The following IQGAP2 variants were observed in gnomAD, a reference collection of about 807,000 sequenced individuals.
IQGAP2 encodes the protein IQ motif containing GTPase activating protein 2.
IQGAP2 carries 173 observed loss-of-function variants against 201.3 expected under a neutral mutation model. The observed-to-expected ratio is 0.86, with a 90% CI of 0.76 to 0.98. The LOEUF (loss-of-function observed/expected upper bound fraction) is 0.98, where lower values mean the gene tolerates loss of function less well. Ranked by LOEUF, IQGAP2 falls within the 50% of genes least tolerant of loss-of-function variation. The pLI is 0.00. For synonymous variants in IQGAP2, 675 were observed against 673.9 expected (o/e 1.00, Z -0.03); for missense variants, 1,687 against 1,864.8 (o/e 0.90, Z 1.76).
chr5:76,434,761 G>C lies in IQGAP2; in HGVS notation c.47-26809G>C, dbSNP rs930354582. ...GGATTGAATGGTAGATCTACTTTTA[G>C]TTCTTTAAGAAATCTTCATAGTGTT... On this transcript the variant is annotated intron_variant, in intron 1 of 35. Transcript: ENST00000274364. Among the ~76,000 whole-genome samples, 40 of 152,068 alleles carry C rather than the reference G, an allele frequency of 2.6e-4. 1 individual carries two copies.
At chr5:76,425,502 A>G (rs1751944851) in intron 1 of IQGAP2, among the ~76,000 whole-genome samples, 1 of 152,208 alleles carries the variant, frequency 6.6e-6, no homozygotes, top group African/African-American at 2.4e-5. Flanking sequence ...ACTGTAGGGA[A>G]GTTAGAACCT....
intron 1 of IQGAP2, among the ~76,000 whole-genome samples, chr5:76,453,760 G>T (rs888089141): frequency 2.6e-5 from 4 of 152,196 alleles, no homozygotes; most frequent in African/African-American, 9.7e-5. Flanking sequence ...AGAGAATAGG[G>T]AGAATTACTT....
At chr5:76,426,294 G>C (rs1343279718) in intron 1 of IQGAP2, among the ~76,000 whole-genome samples, 1 of 152,202 alleles carries the variant, frequency 6.6e-6, no homozygotes, top group Admixed American at 6.5e-5. Context: ...AGGAAAGGGG[G>C]ATTCTGTTAG....
intron 3 of IQGAP2, among the ~76,000 whole-genome samples, chr5:76,564,130 A>C (rs189630608): frequency 8.8e-4 from 134 of 152,330 alleles, no homozygotes; most frequent in African/African-American, 3.2e-3. Flanking sequence ...CTTCCACAAG[A>C]CTTTAATAAA....
intron 15 of IQGAP2, among the ~76,000 whole-genome samples, chr5:76,636,152 C>A (rs1172872077): frequency 3.3e-5 from 5 of 152,226 alleles, no homozygotes; most frequent in African/African-American, 1.2e-4. Flanking sequence ...AAAAAATTCA[C>A]TTGAACTCTG....
chr5:76,496,302 G>A (rs961295422), intron 2 of IQGAP2, among the ~76,000 whole-genome samples: 2 of 152,174 alleles, frequency 1.3e-5, no homozygotes, highest in Admixed American at 1.3e-4. Context: ...ACTGGGACTG[G>A]GTTCTCATCT....
chr5:76,617,657 A>G (rs1440093379), intron 13 of IQGAP2: 4 of 1,614,022 alleles, frequency 2.5e-6, no homozygotes, highest in Non-Finnish European at 3.4e-6. Flanking sequence ...CTAAGCAACT[A>G]TTAAGACTAC....
chr5:76,604,235 G>A (rs1473598957), intron 11 of IQGAP2, among the ~76,000 whole-genome samples: 2 of 152,028 alleles, frequency 1.3e-5, no homozygotes, highest in East Asian at 3.8e-4. Flanking sequence ...TGTGTTGTTT[G>A]GTTTCTGTTC....
At chr5:76,570,484 A>G (rs959587342) in intron 3 of IQGAP2, 96 bp from the exon 4 acceptor site, 36 of 811,370 alleles carry the variant, frequency 4.4e-5, no homozygotes, top group East Asian at 3.9e-4. Context: ...GAGAAATACA[A>G]TTGAAAAGCA....
chr5:76,669,537 C>G (rs937500297), intron 23 of IQGAP2, among the ~76,000 whole-genome samples: 3 of 152,040 alleles, frequency 2.0e-5, no homozygotes, highest in African/African-American at 7.2e-5. Context: ...GGTTAGAGGA[C>G]AGGAGGAAAG....
intron 2 of IQGAP2, among the ~76,000 whole-genome samples, chr5:76,532,546 T>C (rs1365534869): frequency 1.3e-5 from 2 of 152,112 alleles, no homozygotes; most frequent in East Asian, 3.9e-4. Flanking sequence ...GACAGCCTCC[T>C]ATCCTGTAGG....
intron 1 of IQGAP2, among the ~76,000 whole-genome samples, chr5:76,413,314 A>C (rs987551116): frequency 6.6e-6 from 1 of 151,596 alleles, no homozygotes; most frequent in East Asian, 1.9e-4. Flanking sequence ...GACTACAAGC[A>C]CATGCCACCA....
In IQGAP2 at chr5:76,675,747, G is replaced by T. The variant is rs1442956366; in HGVS notation, c.3527+1038G>T. Among the ~76,000 whole-genome samples the T allele has an allele frequency of 4.6e-5, 7 of 152,090 alleles. No individual in the cohort carries two copies. The East Asian group carries it at 1.2e-3, about 25-fold the overall frequency. ...GTGAGTGACTTACTAGAAAACAAAG[G>T]TAGTTCATGATTATTCATTTCTATT... On this transcript the variant is annotated intron_variant, in intron 27 of 35. Coordinates refer to ENST00000274364, the MANE Select transcript of IQGAP2 (RefSeq NM_006633.5).
At chr5:76,556,686 T>C (rs917805548) in intron 2 of IQGAP2, among the ~76,000 whole-genome samples, 2 of 152,306 alleles carry the variant, frequency 1.3e-5, no homozygotes, top group East Asian at 3.9e-4. Context: ...AGAGCAATGT[T>C]AAGTACCCAG....
intron 2 of IQGAP2, among the ~76,000 whole-genome samples, chr5:76,486,223 G>A (rs1415587070): frequency 6.6e-6 from 1 of 152,182 alleles, no homozygotes; most frequent in Admixed American, 6.5e-5. Flanking sequence ...AAGTGCAAAA[G>A]GTTATAGTTT....
intron 13 of IQGAP2, among the ~76,000 whole-genome samples, chr5:76,626,244 A>ATTG (rs1750209793): frequency 8.9e-6 from 1 of 112,788 alleles, no homozygotes; most frequent in Admixed American, 8.5e-5. Flanking sequence ...TTGTATTATA[A>ATTG]TTCTTTTTCT....
chr5:76,465,791 G>A (rs545374794), intron 2 of IQGAP2, among the ~76,000 whole-genome samples: 37 of 152,230 alleles, frequency 2.4e-4, no homozygotes, highest in African/African-American at 8.4e-4. Context: ...CTATATGATA[G>A]CATTAAAAAC....
At chr5:76,484,179 C>T (rs1379244688) in intron 2 of IQGAP2, among the ~76,000 whole-genome samples, 4 of 151,778 alleles carry the variant, frequency 2.6e-5, no homozygotes, top group Non-Finnish European at 4.4e-5. Flanking sequence ...TAAGCTAAGC[C>T]CCATAGAAAG....
At chr5:76,606,718 T>C (rs1340641040) in intron 12 of IQGAP2, 1 of 152,572 alleles carries the variant, frequency 6.6e-6, no homozygotes, top group African/African-American at 2.4e-5. Context: ...GATCTAACTG[T>C]TGCTTAATGA....
Sources: allele counts gnomAD v4.1 joint callset (sites outside exome capture counted in the v4.1 genomes callset), GRCh38; gene constraint gnomAD v4.1.1; transcripts MANE v1.5; gene names NCBI Gene and HGNC (gene_info 2026-07-23, HGNC 2026-07-21).